Variants in PRKACB observed in about 807,000 individuals in gnomAD.
PRKACB encodes the protein protein kinase cAMP-activated catalytic subunit beta, also known as cAMP-dependent protein kinase catalytic subunit beta.
In PRKACB, 16 loss-of-function variants were observed where a neutral mutation model predicts 51.4. The ratio of observed to expected loss-of-function variants is 0.31; its 90% CI spans 0.21 to 0.47. The LOEUF is 0.47. Ranked by LOEUF, PRKACB falls within the 20% of genes least tolerant of loss-of-function variation. The pLI, the probability that PRKACB is intolerant of heterozygous loss-of-function variation, is 1.00. For missense variants in PRKACB, 309 were observed against 464.5 expected (o/e 0.67, Z 3.08); for synonymous variants, 147 against 154.4 (o/e 0.95, Z 0.35).
At chr1:84,149,546 C>CCACT (rs1654573606) in intron 1 of PRKACB, among the ~76,000 whole-genome samples, 1 of 152,172 alleles carries the variant, frequency 6.6e-6, no homozygotes, top group South Asian at 2.1e-4. Flanking sequence ...CAGGCCTGAG[C>CCACT]CACTGCACCC....
chr1:84,139,656 A>G (rs923252106), upstream of PRKACB, among the ~76,000 whole-genome samples: 3 of 152,366 alleles, frequency 2.0e-5, no homozygotes, highest in East Asian at 5.8e-4. Flanking sequence ...TCCAATAAGC[A>G]TAATCCAAAT....
chr1:84,196,706 T>G lies in PRKACB; in HGVS notation c.651T>G (p.Pro217=), dbSNP rs1175910761. 6.2e-7 allele frequency: 1 copy of G among 1,613,062 alleles called. No individual in the cohort carries two copies. The highest frequency in any genetic ancestry group is 8.5e-7 in the Non-Finnish European group (1 of 1,179,192). The change falls in exon 6 of 10, where the codon CCT becomes CCG. Residue 217 remains proline (P), a synonymous_variant. Transcript: ENST00000370685. ...ACCTCATCTACAGAGATCTAAAACC[T>G]GAAAATCTCTTAATTGACCATCAAG... is the stretch of plus-strand genomic sequence containing the variant. ...SLDLIYRDLK[P]ENLLIDHQGY... is the part of the protein sequence containing the mutation.
chr1:84,092,265 G>A (rs1193934393), intron 1 of PRKACB, among the ~76,000 whole-genome samples: 1 of 152,044 alleles, frequency 6.6e-6, no homozygotes, highest in East Asian at 1.9e-4. Flanking sequence ...TTTAAAATGT[G>A]GAATACTGCA....
chr1:84,096,518 T>C (rs1377216072), intron 1 of PRKACB, among the ~76,000 whole-genome samples: 1 of 152,124 alleles, frequency 6.6e-6, no homozygotes, highest in Non-Finnish European at 1.5e-5. Flanking sequence ...ATGTCCTTTC[T>C]ACCAATTGAG....
At chr1:84,180,207 T>TATATATATATATATCA (rs1347848290) in intron 2 of PRKACB, among the ~76,000 whole-genome samples, 6 of 128,582 alleles carry the variant, frequency 4.7e-5, no homozygotes, top group Non-Finnish European at 8.5e-5. Flanking sequence ...TATATATATA[T>TATATATATATATATCA]ATGTATGATG....
intron 9 of PRKACB, among the ~76,000 whole-genome samples, chr1:84,224,131 C>G (rs181983619): frequency 6.6e-6 from 1 of 152,236 alleles, no homozygotes; most frequent in Non-Finnish European, 1.5e-5. Flanking sequence ...GCTTAGGCCG[C>G]ATTATTGGTG....
intron 1 of PRKACB, among the ~76,000 whole-genome samples, chr1:84,093,065 C>G (rs140411526): frequency 6.6e-6 from 1 of 151,950 alleles, no homozygotes; most frequent in Non-Finnish European, 1.5e-5. Context: ...ACGATGTCTC[C>G]TTCATACTGT....
chr1:84,221,220 CAGTT>C (rs1673656658), intron 9 of PRKACB, among the ~76,000 whole-genome samples: 1 of 151,726 alleles, frequency 6.6e-6, no homozygotes, highest in South Asian at 2.1e-4. Context: ...CTAGGTTTTC[CAGTT>C]AGTTAGCATA....
chr1:84,106,971 G>C (rs1474103183), intron 1 of PRKACB, among the ~76,000 whole-genome samples: 1 of 151,534 alleles, frequency 6.6e-6, no homozygotes, highest in Non-Finnish European at 1.5e-5. Context: ...AGGAGGGAGA[G>C]GTTCAGAAGA....
intron 9 of PRKACB, among the ~76,000 whole-genome samples, chr1:84,234,541 G>C (rs1676393399): frequency 6.6e-6 from 1 of 152,246 alleles, no homozygotes; most frequent in Non-Finnish European, 1.5e-5. Flanking sequence ...TTTGATCTCA[G>C]ACTGCTGTGC....
chr1:84,153,131 G>T (rs1655041779), intron 1 of PRKACB, among the ~76,000 whole-genome samples: 1 of 152,026 alleles, frequency 6.6e-6, no homozygotes, highest in South Asian at 2.1e-4. Flanking sequence ...GCTGGTGAGT[G>T]GAGCAGTCAG....
rs924248393 is a variant in PRKACB, at chr1:84,097,333, C to T, written c.46+18962C>T. Among the ~76,000 whole-genome samples the T allele has an allele frequency of 5.9e-5, 9 of 151,964 alleles. No individual in the cohort carries two copies. The South Asian group carries it at 1.0e-3, about 17-fold the overall frequency. Reference sequence around the variant, plus strand: ...TAGATAGTATCTACATTAGTAGATACTATCAAACTGTTTTCGAAAGAGGTT... The same window carrying T: ...TAGATAGTATCTACATTAGTAGATATTATCAAACTGTTTTCGAAAGAGGTT... On this transcript the variant is annotated intron_variant, in intron 1 of 8. Coordinates refer to the PRKACB transcript ENST00000370688.
chr1:84,234,230 G>A (rs1465077906), intron 9 of PRKACB, among the ~76,000 whole-genome samples: 2 of 152,236 alleles, frequency 1.3e-5, no homozygotes, highest in Admixed American at 6.5e-5. Flanking sequence ...CTGCTCAGGG[G>A]TCAGGGGTCA....
intron 1 of PRKACB, among the ~76,000 whole-genome samples, chr1:84,131,744 G>A (rs1652239134): frequency 6.6e-6 from 1 of 152,166 alleles, no homozygotes; most frequent in African/African-American, 2.4e-5. Context: ...CCATAAATTG[G>A]TGGGAACATT....
chr1:84,232,671 C>CT (rs1309746263), intron 9 of PRKACB, among the ~76,000 whole-genome samples: 1 of 152,108 alleles, frequency 6.6e-6, no homozygotes, highest in Non-Finnish European at 1.5e-5. Context: ...ATGTAATGGC[C>CT]TTTTTTGACT....
At chr1:84,201,131 A>G (rs1260718236) in intron 7 of PRKACB, among the ~76,000 whole-genome samples, 1 of 152,176 alleles carries the variant, frequency 6.6e-6, no homozygotes, top group Non-Finnish European at 1.5e-5. Context: ...ACATATTGCC[A>G]AATTGCTTTC....
chr1:84,144,653 T>G lies in PRKACB; in HGVS notation c.187+105T>G, dbSNP rs901358610. On this transcript the variant is annotated intron_variant, in intron 1 of 9. Coordinates refer to ENST00000370685, the MANE Select transcript of PRKACB (RefSeq NM_182948.4). ...CCCTCTTTTGTTTGTTGTTTTCTGATTTTCACAAGGACATTTTGCAAGATG... is the reference window on the plus strand; with the variant it reads ...CCCTCTTTTGTTTGTTGTTTTCTGAGTTTCACAAGGACATTTTGCAAGATG... 14 of 1,234,988 alleles carry G rather than the reference T, an allele frequency of 1.1e-5. No homozygotes were observed. In the African/African-American group the frequency reaches 1.8e-4, roughly 16 times the overall value. The allele number at this position is 1,234,988 out of a possible 1,614,324, so 76.5% of individuals were successfully genotyped here. A position where few individuals can be genotyped will look rare whatever the true frequency, so the allele number is the denominator to read the frequency against.
At chr1:84,228,750 A>T (rs1675070490) in intron 9 of PRKACB, among the ~76,000 whole-genome samples, 1 of 152,188 alleles carries the variant, frequency 6.6e-6, no homozygotes, top group Admixed American at 6.5e-5. Flanking sequence ...GGGAATTAAA[A>T]AAGGAAAGCA....
chr1:84,099,118 A>T (rs1649146498), intron 1 of PRKACB, among the ~76,000 whole-genome samples: 1 of 152,092 alleles, frequency 6.6e-6, no homozygotes, highest in Admixed American at 6.6e-5. Flanking sequence ...AGGTTAGAGG[A>T]TATACATATT....
Sources: allele counts gnomAD v4.1 joint callset (sites outside exome capture counted in the v4.1 genomes callset), GRCh38; gene constraint gnomAD v4.1.1; transcripts MANE v1.5; gene names NCBI Gene and HGNC (gene_info 2026-07-23, HGNC 2026-07-21).